The following TACC2 variants were observed in gnomAD, a reference collection of about 807,000 sequenced individuals.
The protein encoded by TACC2 is transforming acidic coiled-coil-containing protein 2.
Under a neutral mutation model 227.3 loss-of-function variants are expected in TACC2, and 137 were observed. That is an observed-to-expected ratio of 0.60 (90% confidence interval 0.52 to 0.69). TACC2 has a LOEUF of 0.69. TACC2 is among the 30% of genes least tolerant of loss of function. TACC2 has a pLI of 0.00. For synonymous variants in TACC2, 1,523 were observed against 1,487.5 expected (o/e 1.02, Z -0.55); for missense variants, 3,470 against 3,694.4 (o/e 0.94, Z 1.57).
chr10:122,244,355 T>C (rs1158693440), intron 19 of TACC2, among the ~76,000 whole-genome samples: 1 of 152,194 alleles, frequency 6.6e-6, no homozygotes, highest in Non-Finnish European at 1.5e-5. Flanking sequence ...TGTGTGTCCG[T>C]TCCCCGATCC....
intron 18 of TACC2, among the ~76,000 whole-genome samples, chr10:122,238,299 C>T (rs745660500): frequency 6.6e-6 from 1 of 152,222 alleles, no homozygotes; most frequent in Non-Finnish European, 1.5e-5. Context: ...AGTTCCACAA[C>T]TCGCAGGTGA....
chr10:122,163,678 A>ACACTCGGGCGCGCGCCGGCCC, intron 7 of TACC2: 1 of 1,062,038 alleles, frequency 9.4e-7, no homozygotes, highest in Non-Finnish European at 1.1e-6. Flanking sequence ...CACGCCGGCC[A>ACACTCGGGCGCGCGCCGGCCC]CACTCGGGCG....
chr10:122,216,924 A>T (rs2095417623), intron 11 of TACC2, 96 bp downstream of exon 11: 3 of 1,602,518 alleles, frequency 1.9e-6, no homozygotes, highest in Non-Finnish European at 1.7e-6. Context: ...TCAGCCAGGT[A>T]ACCACGTGAT....
At chr10:122,125,911 G>A (rs2086752736) in intron 5 of TACC2, among the ~76,000 whole-genome samples, 1 of 151,402 alleles carries the variant, frequency 6.6e-6, no homozygotes. Context: ...CGAGTAGCTG[G>A]GACTACAGGT....
At chr10:122,241,035 C>T (rs890609693) in intron 18 of TACC2, among the ~76,000 whole-genome samples, 1 of 152,140 alleles carries the variant, frequency 6.6e-6, no homozygotes, top group Non-Finnish European at 1.5e-5. Flanking sequence ...AAGGAGAAAT[C>T]AAGGAAGGCT....
chr10:122,072,343 T>C (rs2078178977), intron 3 of TACC2, among the ~76,000 whole-genome samples: 1 of 152,188 alleles, frequency 6.6e-6, no homozygotes. Flanking sequence ...TGTTTGTTTG[T>C]TTGTTTTCTA....
intron 1 of TACC2, among the ~76,000 whole-genome samples, chr10:122,016,795 C>G (rs1956704221): frequency 6.6e-6 from 1 of 152,146 alleles, no homozygotes; most frequent in Non-Finnish European, 1.5e-5. Flanking sequence ...CCACGAAATT[C>G]ATATGTGGAA....
chr10:122,111,296 G>A (rs2083567137), intron 5 of TACC2, among the ~76,000 whole-genome samples: 2 of 152,212 alleles, frequency 1.3e-5, no homozygotes, highest in South Asian at 4.1e-4. Flanking sequence ...AGACCTACCA[G>A]TAGATTTCGA....
At chr10:122,073,106 CAAA>C (rs1164376721) in intron 3 of TACC2, among the ~76,000 whole-genome samples, 4 of 19,422 alleles carry the variant, frequency 2.1e-4, no homozygotes, top group African/African-American at 9.0e-4. Context: ...GACTCTGTCT[CAAA>C]AAAAAAAAAA....
chr10:122,085,691 C>T lies in TACC2; in HGVS notation c.3191C>T (p.Ala1064Val), dbSNP rs762904530. ...GCAGTTCCCTGCCTGCCAGCCCTGG[C>T]GCCCGCCAGCCCCGGAGTCACACCC... ...LDAVPCLPALAPASPGVTPTQ... is the reference protein window; with the variant it reads ...LDAVPCLPALVPASPGVTPTQ... The change falls in exon 4 of 23, where the codon GCG (alanine) becomes GTG (valine). Residue 1064 changes from alanine to valine, a missense_variant. Transcript: ENST00000369005. The T allele has an allele frequency of 2.9e-5, 46 of 1,613,554 alleles. No individual in the cohort carries two copies. The highest frequency in any genetic ancestry group is 4.5e-5 in the East Asian group (2 of 44,880).
chr10:122,161,056 C>T (rs1258318432), intron 7 of TACC2, among the ~76,000 whole-genome samples: 2 of 152,140 alleles, frequency 1.3e-5, no homozygotes, highest in African/African-American at 4.8e-5. Context: ...ACATCAGCCT[C>T]CTGAGTAGCT....
In TACC2 at chr10:122,007,878, C is replaced by T. The variant is rs185831475; in HGVS notation, c.-45-14059C>T. Among the ~76,000 whole-genome samples the T allele has an allele frequency of 2.0e-3, 297 of 152,206 alleles. 1 individual carries two copies. Among genetic ancestry groups the T allele is most frequent in the African/African-American group, 6.4e-3 (267 of 41,508 alleles). On this transcript the variant is annotated intron_variant, in intron 1 of 22. Coordinates refer to ENST00000369005, the MANE Select transcript of TACC2 (RefSeq NM_206862.4). ...CTCATGAATTAATAGATTAATGGGT[C>T]ATGATGGGAGTGGGTTAGTTATCAA... is the stretch of plus-strand genomic sequence containing the variant.
chr10:122,091,627 A>G, intron 5 of TACC2, among the ~76,000 whole-genome samples: 1 of 152,108 alleles, frequency 6.6e-6, no homozygotes, highest in Admixed American at 6.6e-5. Context: ...CAGGTTGGGA[A>G]TGCTTCTTTC....
rs1725686351 is a variant in TACC2 at position 122,103,913 on chromosome 10, A to G, written c.5573+15322A>G. 1.3e-5 allele frequency among the ~76,000 whole-genome samples: 2 copies of G among 152,214 alleles called. 1 individual carries two copies. The highest frequency in any genetic ancestry group is 4.8e-5 in the African/African-American group (2 of 41,450). On this transcript the variant is annotated intron_variant, in intron 5 of 22. Coordinates refer to ENST00000369005, the MANE Select transcript of TACC2 (RefSeq NM_206862.4). ...TTGGTTTCCTGACCTCATGGAGACC[A>G]TGCTCTGTTTCAAGAGACAGTACAC...
At chr10:122,023,480 T>C (rs981006237) in intron 2 of TACC2, 1 of 151,838 alleles carries the variant, frequency 6.6e-6, no homozygotes, top group Non-Finnish European at 1.5e-5. Flanking sequence ...AAAGGATGAG[T>C]TCACATCCTT....
At chr10:121,995,562 G>T (rs1323135426) in intron 1 of TACC2, among the ~76,000 whole-genome samples, 2 of 152,168 alleles carry the variant, frequency 1.3e-5, no homozygotes, top group African/African-American at 2.4e-5. Context: ...TTGCTGTAAA[G>T]GAACACCTGA....
chr10:122,195,601 ATGGTGGTT>A (rs2094541111), intron 8 of TACC2, among the ~76,000 whole-genome samples: 1 of 152,198 alleles, frequency 6.6e-6, no homozygotes, highest in African/African-American at 2.4e-5. Context: ...ACAGCAGATC[ATGGTGGTT>A]TGTTTATTCC....
At position 122,234,891 on chromosome 10, in the gene TACC2, T is replaced by C. The variant is rs533856864; in HGVS notation, c.8128-2504T>C. On this transcript the variant is annotated intron_variant, in intron 16 of 22. Transcript: ENST00000369005. Reference sequence around the variant, plus strand: ...GGGAGCCTGCTTATTTTGATCAGAATTGAATCTCATTCTGGGAAACCTTGT... The same window carrying C: ...GGGAGCCTGCTTATTTTGATCAGAACTGAATCTCATTCTGGGAAACCTTGT... Among the ~76,000 whole-genome samples the C allele has an allele frequency of 2.6e-5, 4 of 152,352 alleles. No individual in the cohort carries two copies. In the South Asian group the frequency reaches 6.2e-4, roughly 24 times the overall value.
Position 122,131,512 on chromosome 10 carries a change from A to G in TACC2, c.5574-1097A>G, listed in dbSNP as rs1661234239. ...CATAAAGGACCAGGGTTGTTTTTAA[A>G]TTTCTAACTCATCATAGATCTAAAC... On this transcript the variant is annotated intron_variant, in intron 5 of 22. Transcript: ENST00000369005. 2.0e-5 allele frequency among the ~76,000 whole-genome samples: 3 copies of G among 152,200 alleles called. No individual in the cohort carries two copies. In the South Asian group the frequency reaches 6.2e-4, roughly 32 times the overall value.
Sources: gnomAD v4.1 joint callset for allele counts (sites outside exome capture counted in the v4.1 genomes callset) on GRCh38, gnomAD v4.1.1 for gene constraint, MANE v1.5 for transcripts, NCBI Gene and HGNC (gene_info 2026-07-23, HGNC 2026-07-21) for gene names.